Variants in BRWD3 observed in about 807,000 individuals in gnomAD.
BRWD3 encodes the protein bromodomain and WD repeat-containing protein 3.
In BRWD3, 10 loss-of-function variants were observed where a neutral mutation model predicts 149.7. The observed-to-expected ratio is 0.07, with a 90% CI of 0.04 to 0.11. The LOEUF (loss-of-function observed/expected upper bound fraction) is 0.11, where lower values mean the gene tolerates loss of function less well. Ranked by LOEUF, BRWD3 falls within the 10% of genes least tolerant of loss-of-function variation. BRWD3 has a pLI of 1.00. For missense variants in BRWD3, 940 were observed against 1,373.2 expected, an observed-to-expected ratio of 0.68 and a Z score of 4.99; for synonymous variants, 504 against 456.7, an observed-to-expected ratio of 1.10 and a Z score of -1.32.
At chrX:80,791,521 T>A (rs980454244) in intron 6 of BRWD3, among the ~76,000 whole-genome samples, 1 of 111,452 alleles carries the variant, frequency 9.0e-6, no homozygotes, top group Non-Finnish European at 1.9e-5. Flanking sequence ...CACATATAAA[T>A]AATGTACTTT....
At chrX:80,712,122 CCAG>C (rs1406274950) in intron 20 of BRWD3, among the ~76,000 whole-genome samples, 1 of 111,588 alleles carries the variant, frequency 9.0e-6, no homozygotes, top group Non-Finnish European at 1.9e-5. Flanking sequence ...AAAACTAGGT[CCAG>C]GAGAGAGTTG....
At chrX:80,808,440 G>T in intron 4 of BRWD3, 99 bp downstream of exon 4, 1 of 628,054 alleles carries the variant, frequency 1.6e-6, no homozygotes, top group Non-Finnish European at 2.5e-6. Context: ...CCGAGCTCTA[G>T]AACCTCGTCG....
chrX:80,784,730 T>A (rs771588941), intron 6 of BRWD3, among the ~76,000 whole-genome samples: 1 of 112,447 alleles, frequency 8.9e-6, no homozygotes, highest in Non-Finnish European at 1.9e-5. Context: ...ATTCCTTTTA[T>A]ATGGCTGCAT....
intron 20 of BRWD3, among the ~76,000 whole-genome samples, chrX:80,712,467 C>T (rs2072989532): frequency 2.7e-5 from 3 of 110,829 alleles, no homozygotes; most frequent in African/African-American, 9.9e-5. Context: ...GGTGCCCAGG[C>T]TGGAGTGCAG....
chrX:80,790,633 G>GA (rs907750667), intron 6 of BRWD3, among the ~76,000 whole-genome samples: 5 of 108,439 alleles, frequency 4.6e-5, no homozygotes, highest in Admixed American at 2.0e-4. Flanking sequence ...TTAGTTAAAA[G>GA]AAAAAAAAAG....
intron 26 of BRWD3, among the ~76,000 whole-genome samples, chrX:80,696,511 AAC>A (rs2147701030): frequency 1.2e-5 from 1 of 81,450 alleles, no homozygotes; most frequent in African/African-American, 4.8e-5. Flanking sequence ...AACTATCCAT[AAC>A]ATAAATACAC....
intron 6 of BRWD3, among the ~76,000 whole-genome samples, chrX:80,748,227 T>C (rs914975669): frequency 9.0e-6 from 1 of 111,210 alleles, no homozygotes; most frequent in Non-Finnish European, 1.9e-5. Flanking sequence ...TCTGCATCTA[T>C]TGAAATGATC....
chrX:80,697,191 T>C (rs2072712720), intron 25 of BRWD3, among the ~76,000 whole-genome samples: 1 of 111,457 alleles, frequency 9.0e-6, no homozygotes, highest in Non-Finnish European at 1.9e-5. Context: ...CCTAGTGCAG[T>C]ATGATGCTCT....
At chrX:80,784,454 G>T (rs1359508387) in intron 6 of BRWD3, among the ~76,000 whole-genome samples, 1 of 111,327 alleles carries the variant, frequency 9.0e-6, no homozygotes, top group Non-Finnish European at 1.9e-5. Flanking sequence ...AGGTAAATAT[G>T]TACCATGGTG....
intron 6 of BRWD3, among the ~76,000 whole-genome samples, chrX:80,756,788 AT>A (rs1192944751): frequency 9.0e-6 from 1 of 111,606 alleles, no homozygotes; most frequent in Admixed American, 9.5e-5. Context: ...GCTCCAAACC[AT>A]TTTTCCTTTT....
intron 20 of BRWD3, among the ~76,000 whole-genome samples, chrX:80,713,658 C>G (rs1267801848): frequency 9.1e-6 from 1 of 109,612 alleles, no homozygotes; most frequent in Non-Finnish European, 1.9e-5. Context: ...CCAAATCCCC[C>G]TCTGCGAGAG....
In BRWD3 at chrX:80,674,426, C is replaced by T. The variant is rs1163331270; in HGVS notation, c.*2183G>A. 9.0e-6 allele frequency: 1 copy of T among 111,238 alleles called. No homozygotes were observed. The highest frequency in any genetic ancestry group is 1.9e-5 in the Non-Finnish European group (1 of 52,905). The allele number at this position is 111,238 out of a possible 1,213,427, so 9.2% of individuals were successfully genotyped here. A position where few individuals can be genotyped will look rare whatever the true frequency, so the allele number is the denominator to read the frequency against. On this transcript the variant is annotated 3_prime_UTR_variant, in exon 41 of 41. Transcript: ENST00000373275. ...ATAGAAGAATGTCAACAAAAAATTT[C>T]AAACTAAAATGATACATGTGATCCA...
At position 80,754,079 on chromosome X, in the gene BRWD3, T is replaced by C. The variant is rs190455303; in HGVS notation, c.431-8350A>G. ...AATGATATTGGTATTTTCATGGAGA[T>C]TACACTGAATCTGTAGGTTGCTTTC... On this transcript the variant is annotated intron_variant, in intron 6 of 40. Transcript: ENST00000373275. Among the ~76,000 whole-genome samples the C allele has an allele frequency of 7.1e-5, 8 of 112,201 alleles. No individual in the cohort carries two copies. In the East Asian group the frequency reaches 1.7e-3, roughly 23 times the overall value.
At chrX:80,774,647 A>G (rs2073981811) in intron 6 of BRWD3, among the ~76,000 whole-genome samples, 1 of 111,954 alleles carries the variant, frequency 8.9e-6, no homozygotes, top group Admixed American at 9.6e-5. Context: ...AATCAAGTTT[A>G]TTAGCCTTCA....
rs2072313695 is a variant in BRWD3 at position 80,670,366 on chromosome X, A to C, written c.*6243T>G. ...TGGTTTTATTTTGCACATTTTGGTA[A>C]AGTAGCTTTAAATTGTCAAGAACAT... On this transcript the variant is annotated 3_prime_UTR_variant, in exon 41 of 41. Transcript: ENST00000373275. Among the ~76,000 whole-genome samples, 2 of 111,013 alleles carry C rather than the reference A, an allele frequency of 1.8e-5. No homozygotes were observed. The highest frequency in any genetic ancestry group is 1.9e-5 in the Non-Finnish European group (1 of 53,052).
At chrX:80,741,479 G>C (rs2073501778) in intron 8 of BRWD3, among the ~76,000 whole-genome samples, 1 of 111,733 alleles carries the variant, frequency 8.9e-6, no homozygotes, top group East Asian at 2.8e-4. Context: ...CATGAGGAAT[G>C]GCCACACTGA....
At chrX:80,704,869 G>A in intron 22 of BRWD3, 23 bp from the exon 23 acceptor site, 3 of 1,165,009 alleles carry the variant, frequency 2.6e-6, no homozygotes, top group Non-Finnish European at 2.3e-6. Context: ...CAAAATTATG[G>A]ATACCTAAGT....
At chrX:80,709,870 C>G in intron 20 of BRWD3, 2 of 558,469 alleles carry the variant, frequency 3.6e-6, no homozygotes, top group Admixed American at 2.9e-5. Context: ...GTTTAGGCAG[C>G]AACTTCTTGA....
intron 20 of BRWD3, among the ~76,000 whole-genome samples, chrX:80,713,662 G>C (rs767915254): frequency 3.0e-4 from 33 of 109,408 alleles, no homozygotes; most frequent in Admixed American, 1.3e-3. Context: ...ATCCCCCTCT[G>C]CGAGAGACAC....
Sources: gnomAD v4.1 joint callset for allele counts (sites outside exome capture counted in the v4.1 genomes callset) on GRCh38, gnomAD v4.1.1 for gene constraint, MANE v1.5 for transcripts, NCBI Gene and HGNC (gene_info 2026-07-23, HGNC 2026-07-21) for gene names.